Variants in PEX26 observed in about 807,000 individuals in gnomAD.
The protein encoded by PEX26 is peroxisomal biogenesis factor 26.
In PEX26, 18 loss-of-function variants were observed where a neutral mutation model predicts 31.4. The observed-to-expected ratio is 0.57, with a 90% CI of 0.40 to 0.85. PEX26 has a LOEUF of 0.85. Among genes scored for constraint, PEX26 ranks in the 40% least tolerant of loss-of-function variants. The pLI is 0.00. For synonymous variants in PEX26, 176 were observed against 166.9 expected, an observed-to-expected ratio of 1.05 and a Z score of -0.42; for missense variants, 377 against 383.9, an observed-to-expected ratio of 0.98 and a Z score of 0.15.
chr22:18,087,411 C>T (rs1043634082), intron 4 of PEX26, among the ~76,000 whole-genome samples: 13 of 152,148 alleles, frequency 8.5e-5, no homozygotes, highest in African/African-American at 2.9e-4. Context: ...AGTTGTCCTT[C>T]TAACCCGTCT....
At chr22:18,085,560 A>T (rs78939863) in intron 4 of PEX26, among the ~76,000 whole-genome samples, 4 of 152,264 alleles carry the variant, frequency 2.6e-5, no homozygotes, top group Non-Finnish European at 5.9e-5. Flanking sequence ...CTCTGACTAG[A>T]ACCTCAGAAT....
intron 1 of PEX26, 187 bp downstream of exon 1, chr22:18,078,793 CAA>C: frequency 1.4e-6 from 1 of 715,312 alleles, no homozygotes; most frequent in Non-Finnish European, 2.5e-6. Flanking sequence ...AGTCGTGTAA[CAA>C]AAACTTAGTG....
chr22:18,083,111 C>G (rs901564535), intron 2 of PEX26, among the ~76,000 whole-genome samples: 3 of 152,190 alleles, frequency 2.0e-5, no homozygotes, highest in Non-Finnish European at 4.4e-5. Context: ...TTCCTCCTTT[C>G]CAATTTGGAT....
Position 18,093,964 on chromosome 22 carries a change from A to C in PEX26, c.*5889A>C, listed in dbSNP as rs1362680626. On this transcript the variant is annotated 3_prime_UTR_variant, in exon 5 of 5. Coordinates refer to ENST00000399744, the MANE Select transcript of PEX26 (RefSeq NM_001127649.3). ...GATTGTGAAGTACAGTCCAAGGCCC[A>C]CTCACCAAGGGCTGGATCCAAATAT... The C allele has an allele frequency of 6.6e-6, 1 of 152,190 alleles. No individual in the cohort carries two copies. The highest frequency in any genetic ancestry group is 1.5e-5 in the Non-Finnish European group (1 of 68,050). The allele number at this position is 152,190 out of a possible 1,614,324, so 9.4% of individuals were successfully genotyped here.
intron 2 of PEX26, 139 bp from the exon 3 acceptor site, chr22:18,083,298 C>T (rs1926694084): frequency 5.8e-6 from 5 of 866,152 alleles, no homozygotes; most frequent in Non-Finnish European, 7.9e-6. Flanking sequence ...TTCCCATGAG[C>T]ATCATCATTT....
rs753275056 is a variant in PEX26, at chr22:18,078,415, G to A, written c.39G>A (p.Arg13=). 7 of 1,593,400 alleles carry A rather than the reference G, an allele frequency of 4.4e-6. No individual in the cohort carries two copies. The highest frequency in any genetic ancestry group is 1.7e-4 in the Middle Eastern group (1 of 6,020). The part of the protein sequence containing the change: ...SDSSTSAAPL[R]GLGGPLRSSE... Reference sequence around the variant, plus strand: ...CTTCGACCTCTGCAGCCCCCCTCAGGGGGCTCGGGGGACCCCTGCGCAGCA... The same window carrying A: ...CTTCGACCTCTGCAGCCCCCCTCAGAGGGCTCGGGGGACCCCTGCGCAGCA... The change falls in exon 1 of 5, where the codon AGG becomes AGA. Residue 13 remains arginine (R), a synonymous_variant. Coordinates refer to ENST00000399744, the MANE Select transcript of PEX26 (RefSeq NM_001127649.3).
In PEX26 at chr22:18,102,366, T is replaced by C. The variant is rs1279776613; in HGVS notation, c.*14291T>C. On this transcript the variant is annotated 3_prime_UTR_variant, in exon 5 of 5. Transcript: ENST00000399744. The stretch of plus-strand genomic sequence containing the variant: ...TGCAGAACAGTCAGTCTTTCCAAGA[T>C]GTATTGTTCTATCCTCAATAGCTGC... 6.5e-6 allele frequency: 1 copy of C among 153,994 alleles called. No homozygotes were observed. The highest frequency in any genetic ancestry group is 1.9e-4 in the East Asian group (1 of 5,196). 9.5% of individuals were successfully genotyped at this position (153,994 alleles called of 1,614,324 possible).
At position 18,079,905 on chromosome 22, in the gene PEX26, G is replaced by A. The variant is rs555951210; in HGVS notation, c.262G>A (p.Val88Met). ...SLEVKCSLCV[V>M]GIQALAEMDR... Reference sequence around the variant, plus strand: ...GGAGGTGAAGTGCTCCCTGTGTGTTGTGGGGATCCAGGCCCTGGCAGAAAT... The same window carrying A: ...GGAGGTGAAGTGCTCCCTGTGTGTTATGGGGATCCAGGCCCTGGCAGAAAT... The change falls in exon 2 of 5, where the codon GTG becomes ATG. Residue 88 changes from valine (V) to methionine (M), a missense_variant. Transcript: ENST00000399744. The A allele has an allele frequency of 6.2e-7, 1 of 1,614,150 alleles. No individual in the cohort carries two copies. The highest frequency in any genetic ancestry group is 8.5e-7 in the Non-Finnish European group (1 of 1,180,012).
In PEX26 at chr22:18,100,649, A is replaced by G. The variant is rs893864024; in HGVS notation, c.*12574A>G. 4 of 152,206 alleles carry G rather than the reference A, an allele frequency of 2.6e-5. No homozygotes were observed. The highest frequency in any genetic ancestry group is 2.0e-4 in the Admixed American group (3 of 15,282). 9.4% of individuals were successfully genotyped at this position (152,206 alleles called of 1,614,324 possible). ...CAGCTATGTTTTTTCTTCTTTCTAG[A>G]GATGTGACATACATATTTTCTGGTC... On this transcript the variant is annotated 3_prime_UTR_variant, in exon 5 of 5. Transcript: ENST00000399744.
In PEX26 at chr22:18,088,262, G is replaced by C. The variant is rs970668767; in HGVS notation, c.*187G>C. 3 of 695,086 alleles carry C rather than the reference G, an allele frequency of 4.3e-6. No homozygotes were observed. The highest frequency in any genetic ancestry group is 7.9e-6 in the Non-Finnish European group (3 of 379,188). 43.1% of individuals were successfully genotyped at this position (695,086 alleles called of 1,614,324 possible). A position where few individuals can be genotyped will look rare whatever the true frequency, so the allele number is the denominator to read the frequency against. On this transcript the variant is annotated 3_prime_UTR_variant, in exon 5 of 5. Coordinates refer to ENST00000399744, the MANE Select transcript of PEX26 (RefSeq NM_001127649.3). The surrounding 1 kb of genome is among the most constrained non-coding windows in gnomAD (Gnocchi z 4.1). The stretch of plus-strand genomic sequence containing the variant: ...ACTTCGGCTGGTCGCGGTAGATGAT[G>C]TGGAAACAAAGCAGGACCAGCAGGC...
chr22:18,080,195 G>A (rs556613787), intron 2 of PEX26, among the ~76,000 whole-genome samples, 181 bp downstream of exon 2: 2 of 152,254 alleles, frequency 1.3e-5, no homozygotes, highest in South Asian at 2.1e-4. Context: ...GAGGAATTTA[G>A]GAGTAGAATA....
Position 18,097,226 on chromosome 22 carries a change from TTCACCTACCC to T in PEX26, c.*9152_*9161del, listed in dbSNP as rs1460054348. 6.6e-6 allele frequency: 1 copy of T among 151,826 alleles called. No homozygotes were observed. Among genetic ancestry groups the T allele is most frequent in the Non-Finnish European group, 1.5e-5 (1 of 68,028 alleles). The allele number at this position is 151,826 out of a possible 1,614,324, so 9.4% of individuals were successfully genotyped here. A position where few individuals can be genotyped will look rare whatever the true frequency, so the allele number is the denominator to read the frequency against. On this transcript the variant is annotated 3_prime_UTR_variant, in exon 5 of 5. Transcript: ENST00000399744. ...ACCTCCCATCTCTTCATTTAGCAAG[TTCACCTACCC>T]CAATGGCAGCTATGGCCGTTAGTTT...
intron 3 of PEX26, among the ~76,000 whole-genome samples, chr22:18,084,237 C>CTCTTTTTTTTT (rs1556589212): frequency 1.0e-5 from 1 of 95,320 alleles, no homozygotes; most frequent in Non-Finnish European, 2.1e-5. Context: ...ATCTCTCTCT[C>CTCTTTTTTTTT]TTTTTTTTTT....
chr22:18,097,296 C>T lies in PEX26; in HGVS notation c.*9221C>T, dbSNP rs1927325321. 1 of 150,904 alleles carries T rather than the reference C, an allele frequency of 6.6e-6. No homozygotes were observed. Among genetic ancestry groups the T allele is most frequent in the South Asian group, 2.1e-4 (1 of 4,718 alleles). The allele number at this position is 150,904 out of a possible 1,614,324, so 9.3% of individuals were successfully genotyped here. A position where few individuals can be genotyped will look rare whatever the true frequency, so the allele number is the denominator to read the frequency against. On this transcript the variant is annotated 3_prime_UTR_variant, in exon 5 of 5. Transcript: ENST00000399744. ...TTCTTTTTTTTGAGACAGAGCCTCA[C>T]TCTGTCGCCCAGGCTGGAGTGCAGG...
intron 1 of PEX26, 152 bp downstream of exon 1, chr22:18,078,758 G>A: frequency 1.3e-6 from 1 of 763,046 alleles, no homozygotes; most frequent in East Asian, 2.7e-5. Flanking sequence ...GTCGCTCATC[G>A]TGTGCCCATT....
At position 18,088,096 on chromosome 22, in the gene PEX26, C is replaced by T. The variant is rs748669383; in HGVS notation, c.*21C>T. On this transcript the variant is annotated 3_prime_UTR_variant, in exon 5 of 5. Transcript: ENST00000399744. The surrounding 1 kb of genome is among the most constrained non-coding windows in gnomAD (Gnocchi z 4.1). ...ACTGAGGGTCCCTGCGCACCACAGC[C>T]TCTCTGCTCCTCACGTCCGTGGCCA... 29 of 1,460,088 alleles carry T rather than the reference C, an allele frequency of 2.0e-5. 2 individuals carry two copies. In the Admixed American group the frequency reaches 3.7e-4, roughly 19 times the overall value. 90.4% of individuals were successfully genotyped at this position (1,460,088 alleles called of 1,614,324 possible). A position where few individuals can be genotyped will look rare whatever the true frequency, so the allele number is the denominator to read the frequency against.
In PEX26 at chr22:18,092,146, C is replaced by T. The variant is rs1035055447; in HGVS notation, c.*4071C>T. 1 of 152,290 alleles carries T rather than the reference C, an allele frequency of 6.6e-6. No homozygotes were observed. Among genetic ancestry groups the T allele is most frequent in the Non-Finnish European group, 1.5e-5 (1 of 68,090 alleles). The allele number at this position is 152,290 out of a possible 1,614,324, so 9.4% of individuals were successfully genotyped here. ...TCCCAGCACGGAAAAGCCGTGGGGC[C>T]GATGGACTTTGGCCTCACATCCACA... On this transcript the variant is annotated 3_prime_UTR_variant, in exon 5 of 5. Transcript: ENST00000399744.
At position 18,085,273 on chromosome 22, in the gene PEX26, C is replaced by T. The variant is rs1926797835; in HGVS notation, c.814+15C>T. ...ATTTGATCCAGGTAAGAGGTGGAGA[C>T]TCTCCCCTGTCCTTCCTGGGAAGGG... On this transcript the variant is annotated intron_variant, in intron 4 of 4. Coordinates refer to ENST00000399744, the MANE Select transcript of PEX26 (RefSeq NM_001127649.3). The T allele has an allele frequency of 1.2e-6, 2 of 1,613,856 alleles. No individual in the cohort carries two copies. Among genetic ancestry groups the T allele is most frequent in the East Asian group, 2.2e-5 (1 of 44,866 alleles).
chr22:18,095,044 C>T lies in PEX26; in HGVS notation c.*6969C>T, dbSNP rs1408410906. 1.3e-5 allele frequency: 2 copies of T among 152,102 alleles called. No individual in the cohort carries two copies. The highest frequency in any genetic ancestry group is 4.8e-5 in the African/African-American group (2 of 41,402). 9.4% of individuals were successfully genotyped at this position (152,102 alleles called of 1,614,324 possible). ...TCCCCCATAGCACCTGGAATGAGGCCATCCATGTAAGAGGCCAAGTAATAA... is the reference window on the plus strand; with the variant it reads ...TCCCCCATAGCACCTGGAATGAGGCTATCCATGTAAGAGGCCAAGTAATAA... On this transcript the variant is annotated 3_prime_UTR_variant, in exon 5 of 5. Transcript: ENST00000399744.
Sources: gnomAD v4.1 joint callset for allele counts (sites outside exome capture counted in the v4.1 genomes callset) on GRCh38, gnomAD v4.1.1 for gene constraint, Gnocchi (gnomAD v3.1) non-coding constraint, MANE v1.5 for transcripts, NCBI Gene and HGNC (gene_info 2026-07-23, HGNC 2026-07-21) for gene names.